The following MFSD12 variants were observed in gnomAD, a reference collection of about 807,000 sequenced individuals.
MFSD12 encodes the protein major facilitator superfamily domain-containing protein 12.
A neutral mutation model predicts 51.2 loss-of-function variants in MFSD12; 67 were observed. That is an observed-to-expected ratio of 1.31 (90% CI 1.08 to 1.60). The LOEUF is 1.60. Among genes scored for constraint, MFSD12 ranks in the 40% most tolerant of loss-of-function variants. The probability of loss-of-function intolerance (pLI) is 0.00; values close to 1 mark genes in which losing one functional copy is unlikely to be tolerated. For synonymous variants in MFSD12, 441 were observed against 316.7 expected (o/e 1.39, Z -4.17); for missense variants, 921 against 673.0 (o/e 1.37, Z -4.08).
At chr19:3,556,840 G>A (rs913125190) in intron 1 of MFSD12, among the ~76,000 whole-genome samples, 1 of 151,738 alleles carries the variant, frequency 6.6e-6, no homozygotes, top group African/African-American at 2.4e-5. Flanking sequence ...CTCAGGCCAT[G>A]GGCACAGACA....
chr19:3,556,477 A>C (rs1217887654), intron 1 of MFSD12, among the ~76,000 whole-genome samples: 1 of 151,984 alleles, frequency 6.6e-6, no homozygotes, highest in Admixed American at 6.6e-5. Flanking sequence ...GGGGCAGTTA[A>C]ACAGACAGAT....
intron 2 of MFSD12, among the ~76,000 whole-genome samples, chr19:3,548,875 G>A (rs947775652): frequency 3.9e-5 from 6 of 152,172 alleles, no homozygotes; most frequent in African/African-American, 7.2e-5. Context: ...AACCTGTGTC[G>A]TTAGCGCCTG....
intron 2 of MFSD12, among the ~76,000 whole-genome samples, chr19:3,550,145 G>A (rs1005176261): frequency 6.6e-6 from 1 of 152,184 alleles, no homozygotes; most frequent in African/African-American, 2.4e-5. Context: ...TAAGACGCTA[G>A]CCCTGGGCAA....
At chr19:3,543,218 C>T (rs1050291521), downstream of MFSD12, 4 of 1,539,088 alleles carry the variant, frequency 2.6e-6, no homozygotes, top group African/African-American at 2.7e-5. Context: ...CAGTCTCTGC[C>T]CCCTGCCCAC....
At chr19:3,538,341 G>A (rs948666117) in exon 5 of MFSD12, 4 of 203,352 alleles carry the variant, frequency 2.0e-5, no homozygotes, top group African/African-American at 7.1e-5. Flanking sequence ...GTGAGGTGGC[G>A]TTCAGTACCT....
rs763623587 is a variant in MFSD12 at position 3,538,922 on chromosome 19, T to TG, written c.*6-167dup. On this transcript the variant is annotated intron_variant, in intron 4 of 4. Transcript: ENST00000398558. ...GGAGATGGAGAAGCCAGACCCCAGG[T>TG]GGGGGGTGCATAGAGCTGGGGGCTC... The TG allele has an allele frequency of 1.5e-4, 100 of 661,042 alleles. 1 individual carries two copies. Among genetic ancestry groups the TG allele is most frequent in the Non-Finnish European group, 2.4e-4 (85 of 354,860 alleles). The allele number at this position is 661,042 out of a possible 1,614,324, so 40.9% of individuals were successfully genotyped here.
chr19:3,555,707 C>T (rs1003293077), intron 1 of MFSD12, among the ~76,000 whole-genome samples: 1 of 152,154 alleles, frequency 6.6e-6, no homozygotes, highest in Admixed American at 6.5e-5. Flanking sequence ...CCATCCCAGT[C>T]ATTGTTCCCA....
intron 8 of MFSD12, among the ~76,000 whole-genome samples, 169 bp from the exon 9 acceptor site, chr19:3,545,108 G>C (rs2030876074): frequency 6.6e-6 from 1 of 152,236 alleles, no homozygotes; most frequent in East Asian, 1.9e-4. Context: ...AGCTCGGCCA[G>C]TCCTGTGGGC....
At chr19:3,548,844 C>A (rs1260944982) in intron 2 of MFSD12, among the ~76,000 whole-genome samples, 22 of 152,230 alleles carry the variant, frequency 1.4e-4, no homozygotes, top group Non-Finnish European at 1.5e-5. Context: ...ATGGGGCCCT[C>A]AGGGGCCCTG....
intron 4 of MFSD12, chr19:3,539,028 C>CGACTCT: frequency 1.6e-6 from 1 of 636,802 alleles, no homozygotes; most frequent in Non-Finnish European, 2.8e-6. Flanking sequence ...ATACTCAGAA[C>CGACTCT]GACTCTCCAG....
intron 8 of MFSD12, 122 bp downstream of exon 8, chr19:3,545,952 T>G: frequency 2.1e-6 from 2 of 963,760 alleles, no homozygotes; most frequent in Non-Finnish European, 3.2e-6. Flanking sequence ...ATGACTCCCA[T>G]TGGGGCAGGT....
chr19:3,543,021 C>A (rs376978299), downstream of MFSD12: 69 of 1,604,158 alleles, frequency 4.3e-5, no homozygotes, highest in South Asian at 6.9e-4. Context: ...GCTTGGGGTG[C>A]GATGTGTGGG....
intron 7 of MFSD12, 42 bp from the exon 8 acceptor site, chr19:3,546,210 T>C (rs1389051078): frequency 1.9e-6 from 3 of 1,608,006 alleles, no homozygotes; most frequent in Non-Finnish European, 1.7e-6. Flanking sequence ...CACCCCGAGA[T>C]CTAGGACCCG....
chr19:3,547,805 G>C (rs1211866026), intron 4 of MFSD12, 43 bp downstream of exon 4: 1 of 1,459,762 alleles, frequency 6.9e-7, no homozygotes, highest in Non-Finnish European at 9.0e-7. Context: ...CCCTGTGGGT[G>C]GGAGAGAAGG....
At chr19:3,545,871 A>C (rs2030973460) in intron 8 of MFSD12, among the ~76,000 whole-genome samples, 1 of 152,192 alleles carries the variant, frequency 6.6e-6, no homozygotes, top group Non-Finnish European at 1.5e-5. Flanking sequence ...AGCACTGCAC[A>C]CATGGACCCA....
chr19:3,547,653 G>A, intron 4 of MFSD12, 106 bp from the exon 5 acceptor site: 1 of 1,222,522 alleles, frequency 8.2e-7, no homozygotes. Context: ...GCTGGCATTT[G>A]ATCCATTGGT....
At chr19:3,542,702 C>G (rs1256445726), downstream of MFSD12, 2 of 1,265,392 alleles carry the variant, frequency 1.6e-6, no homozygotes, top group South Asian at 1.3e-5. Context: ...AGGCTGGTCT[C>G]GAACTCCTGA....
rs200305972 is a variant in MFSD12 at position 3,547,951 on chromosome 19, G to C, written c.734C>G (p.Pro245Arg). ...GTGCTCGCCTGGCTCCTCCGCATGC[G>C]GCCGGCGCCTCTCCCGGGTGCCCAG... ...FHLGTRERRR[P>R]HAEEPGEHTP... The change falls in exon 4 of 10, where the codon CCG (proline) becomes CGG (arginine). Residue 245 changes from proline (P) to arginine (R), a missense_variant. Transcript: ENST00000355415. 2 of 1,594,518 alleles carry C rather than the reference G, an allele frequency of 1.3e-6. No homozygotes were observed. The highest frequency in any genetic ancestry group is 1.7e-6 in the Non-Finnish European group (2 of 1,177,358).
downstream of MFSD12, chr19:3,539,714 T>A (rs1308370886): frequency 6.0e-6 from 1 of 166,808 alleles, no homozygotes; most frequent in Non-Finnish European, 1.3e-5. Context: ...CCTCTCCTTA[T>A]AAGGGTGCCA....
Sources: gnomAD v4.1 joint callset for allele counts (sites outside exome capture counted in the v4.1 genomes callset) on GRCh38, gnomAD v4.1.1 for gene constraint, MANE v1.5 for transcripts, NCBI Gene and HGNC (gene_info 2026-07-23, HGNC 2026-07-21) for gene names.